The following ROBO1 variants were observed in gnomAD, a reference collection of about 807,000 sequenced individuals.
ROBO1 encodes roundabout guidance receptor 1.
A neutral mutation model predicts 195.9 loss-of-function variants in ROBO1; 149 were observed. The observed-to-expected ratio is 0.76, with a 90% CI of 0.67 to 0.87. The LOEUF (loss-of-function observed/expected upper bound fraction) is 0.87. Ranked by LOEUF, ROBO1 falls within the 40% of genes least tolerant of loss-of-function variation. The pLI is 0.00. For synonymous variants in ROBO1, 816 were observed against 733.2 expected (o/e 1.11, Z -1.82); for missense variants, 1,933 against 2,068.3 (o/e 0.93, Z 1.27).
chr3:78,944,502 T>A (rs546934832), intron 3 of ROBO1, among the ~76,000 whole-genome samples: 2 of 152,074 alleles, frequency 1.3e-5, no homozygotes, highest in Non-Finnish European at 2.9e-5. Context: ...AAAGAGTTCT[T>A]TGGGGATAGA....
At chr3:79,604,550 A>G (rs914916287) in intron 1 of ROBO1, among the ~76,000 whole-genome samples, 2 of 152,042 alleles carry the variant, frequency 1.3e-5, no homozygotes, top group Non-Finnish European at 2.9e-5. Context: ...AAGTAAATAT[A>G]CGGTTACATA....
At chr3:78,872,486 G>T (rs747408387) in intron 4 of ROBO1, among the ~76,000 whole-genome samples, 16 of 152,258 alleles carry the variant, frequency 1.1e-4, no homozygotes, top group South Asian at 6.2e-4. Context: ...AAGAACAAAA[G>T]AATTTTTTTT....
At chr3:78,884,443 C>T (rs1344730101) in intron 4 of ROBO1, among the ~76,000 whole-genome samples, 1 of 151,626 alleles carries the variant, frequency 6.6e-6, no homozygotes, top group Non-Finnish European at 1.5e-5. Context: ...GAGAACTTGT[C>T]CTCTGCAAAA....
chr3:78,880,291 T>C (rs1467554323), intron 4 of ROBO1, among the ~76,000 whole-genome samples: 2 of 152,200 alleles, frequency 1.3e-5, no homozygotes, highest in South Asian at 4.1e-4. Context: ...TTATTTAAGA[T>C]GTTAACAATT....
At position 78,861,569 on chromosome 3, in the gene ROBO1, G is replaced by A. The variant is rs541180732; in HGVS notation, c.499+77032C>T. On this transcript the variant is annotated intron_variant, in intron 4 of 30. Coordinates refer to ENST00000464233, the MANE Select transcript of ROBO1 (RefSeq NM_002941.4). ...TCATTACATATTGCCATGAATCTTC[G>A]GAAAATGCCACTTCCTGAACACAGT... Among the ~76,000 whole-genome samples the A allele has an allele frequency of 5.9e-5, 9 of 152,110 alleles. No homozygotes were observed. In the South Asian group the frequency reaches 1.2e-3, roughly 21 times the overall value.
intron 17 of ROBO1, 44 bp downstream of exon 17, chr3:78,659,642 G>T: frequency 1.5e-6 from 2 of 1,306,310 alleles, no homozygotes; most frequent in Non-Finnish European, 2.0e-6. Context: ...AATGGTGGGG[G>T]CTGCCCATCA....
Position 78,635,953 on chromosome 3 carries a change from T to C in ROBO1, c.3193A>G (p.Asn1065Asp). 6.2e-7 allele frequency: 1 copy of C among 1,613,888 alleles called. No homozygotes were observed. The highest frequency in any genetic ancestry group is 1.3e-5 in the African/African-American group (1 of 75,020). ...SPNLKDGRFV[N>D]PSGQPTPYAT... is the part of the protein sequence containing the mutation. ...TAAGGAGTAGGCTGCCCTGATGGAT[T>C]GACAAAACGCCCATCCTTCAGATTT... Residue 1065 changes from asparagine to aspartate, a missense_variant, in exon 23 of 31, where the codon AAT becomes GAT. Asn to Asp is a conservative substitution (Grantham distance 23). This residue lies in a region of ROBO1 where 1,737 missense variants were observed against 1,882.5 expected (regional missense o/e 0.92). Coordinates refer to ENST00000464233, the MANE Select transcript of ROBO1 (RefSeq NM_002941.4).
chr3:79,142,884 T>C (rs1292439124), intron 2 of ROBO1, among the ~76,000 whole-genome samples: 1 of 152,094 alleles, frequency 6.6e-6, no homozygotes, highest in Non-Finnish European at 1.5e-5. Flanking sequence ...TAAGGAAATA[T>C]TATAGAAATC....
rs34364869 is a variant in ROBO1 at position 78,920,624 on chromosome 3, G to GTTTTTTT, written c.499+17970_499+17976dup. Among the ~76,000 whole-genome samples the GTTTTTTT allele has an allele frequency of 1.9e-3, 114 of 60,944 alleles. 7 individuals are homozygous for GTTTTTTT. The highest frequency in any genetic ancestry group is 5.9e-3 in the African/African-American group (80 of 13,474). The allele number at this position is 60,944 out of a possible 152,430, so 40.0% of individuals were successfully genotyped here. ...CCAGCCTTTCTTTTTCTTTCTTTCA[G>GTTTTTTT]TTTTTTTTTTTTTTTTTTTTTTTTT... On this transcript the variant is annotated intron_variant, in intron 4 of 30. Transcript: ENST00000464233.
At chr3:78,645,541 A>G (rs1287250482) in intron 21 of ROBO1, among the ~76,000 whole-genome samples, 1 of 152,010 alleles carries the variant, frequency 6.6e-6, no homozygotes, top group Non-Finnish European at 1.5e-5. Flanking sequence ...GCTGGTTGTC[A>G]CATCAATTTG....
At position 78,971,146 on chromosome 3, in the gene ROBO1, C is replaced by T. The variant is rs558792657; in HGVS notation, c.173-32219G>A. Reference sequence around the variant, plus strand: ...GTGGCTCATGCCCATAATCCCAGCACTTTGGGAGGCTGAGGTAGGTGGATT... The same window carrying T: ...GTGGCTCATGCCCATAATCCCAGCATTTTGGGAGGCTGAGGTAGGTGGATT... On this transcript the variant is annotated intron_variant, in intron 3 of 30. Coordinates refer to ENST00000464233, the MANE Select transcript of ROBO1 (RefSeq NM_002941.4). Among the ~76,000 whole-genome samples, 22 of 152,238 alleles carry T rather than the reference C, an allele frequency of 1.4e-4. No homozygotes were observed. In the South Asian group the frequency reaches 4.6e-3, roughly 32 times the overall value.
At chr3:78,912,643 GATA>G (rs1452142289) in intron 4 of ROBO1, among the ~76,000 whole-genome samples, 1 of 151,972 alleles carries the variant, frequency 6.6e-6, no homozygotes, top group Admixed American at 6.6e-5. Flanking sequence ...TAGTATTTGT[GATA>G]ATATCATCAA....
At chr3:79,602,301 A>T (rs1944361788) in intron 1 of ROBO1, among the ~76,000 whole-genome samples, 1 of 152,040 alleles carries the variant, frequency 6.6e-6, no homozygotes, top group Admixed American at 6.6e-5. Context: ...ATGCACAAAG[A>T]TGTAACAAAA....
intron 3 of ROBO1, among the ~76,000 whole-genome samples, chr3:79,090,806 A>G (rs2108488528): frequency 6.6e-6 from 1 of 152,266 alleles, no homozygotes; most frequent in African/African-American, 2.4e-5. Context: ...GTCATCACTG[A>G]TAGTATTGGG....
intron 2 of ROBO1, among the ~76,000 whole-genome samples, chr3:79,215,636 A>C (rs368401879): frequency 6.6e-6 from 1 of 152,234 alleles, no homozygotes; most frequent in Non-Finnish European, 1.5e-5. Flanking sequence ...ATAATAAGAC[A>C]TACAGTCTCA....
intron 2 of ROBO1, among the ~76,000 whole-genome samples, chr3:79,239,714 T>C (rs942916398): frequency 6.6e-6 from 1 of 152,200 alleles, no homozygotes; most frequent in African/African-American, 2.4e-5. Context: ...TTGATAAGTA[T>C]CAATACATTG....
chr3:79,467,705 C>T (rs1189224048), intron 2 of ROBO1, among the ~76,000 whole-genome samples: 1 of 152,106 alleles, frequency 6.6e-6, no homozygotes, highest in African/African-American at 2.4e-5. Flanking sequence ...GTCCGTGTGA[C>T]CTGATTCTTC....
rs780736228 is a variant in ROBO1 at position 78,714,501 on chromosome 3, G to A, written c.941C>T (p.Thr314Ile). ...AGCTGTCACCTTCCTAATTTTCAAG[G>A]TATGATCATCTCGGATTTCATATCT... Reference protein sequence around the residue: ...KSRYEIRDDHTLKIRKVTAGD... With the variant: ...KSRYEIRDDHILKIRKVTAGD... Residue 314 changes from threonine (T) to isoleucine (I), a missense_variant, in exon 8 of 31, where the codon ACC becomes ATC. Transcript: ENST00000464233. The A allele has an allele frequency of 1.9e-6, 3 of 1,611,154 alleles. No individual in the cohort carries two copies. The highest frequency in any genetic ancestry group is 2.2e-5 in the East Asian group (1 of 44,756).
chr3:79,608,275 A>C (rs1944551994), intron 1 of ROBO1, among the ~76,000 whole-genome samples: 1 of 151,874 alleles, frequency 6.6e-6, no homozygotes, highest in African/African-American at 2.4e-5. Flanking sequence ...CCCTTCTCTG[A>C]TATTATGTTT....
Sources: allele counts gnomAD v4.1 joint callset (sites outside exome capture counted in the v4.1 genomes callset), GRCh38; gene constraint gnomAD v4.1.1; regional missense constraint gnomAD v4.1.1; transcripts MANE v1.5; gene names NCBI Gene and HGNC (gene_info 2026-07-23, HGNC 2026-07-21).